The following TADA3 variants were observed in gnomAD, a reference collection of about 807,000 sequenced individuals.
TADA3 encodes the protein transcriptional adaptor 3, also known as transcriptional adapter 3.
TADA3 carries 25 observed loss-of-function variants against 43.2 expected under a neutral mutation model. The observed-to-expected ratio is 0.58, with a 90% CI of 0.42 to 0.81. The LOEUF (loss-of-function observed/expected upper bound fraction) is 0.81. TADA3 is among the 30% of genes least tolerant of loss of function. The pLI, the probability that TADA3 is intolerant of heterozygous loss-of-function variation, is 0.00. For missense variants in TADA3, 441 were observed against 567.8 expected, an observed-to-expected ratio of 0.78 and a Z score of 2.27; for synonymous variants, 235 against 225.5, an observed-to-expected ratio of 1.04 and a Z score of -0.38.
Position 9,785,325 on chromosome 3 carries a change from T to C in TADA3, c.911A>G (p.Lys304Arg), listed in dbSNP as rs199891591. The C allele has an allele frequency of 4.5e-5, 73 of 1,613,864 alleles. No individual in the cohort carries two copies. Among genetic ancestry groups the C allele is most frequent in the Non-Finnish European group, 2.5e-6 (3 of 1,179,804 alleles). Residue 304 changes from lysine to arginine, a missense_variant, in exon 7 of 9, where the codon AAG becomes AGG. By Grantham distance (26) the Lys-to-Arg change is conservative. Coordinates refer to ENST00000301964, the MANE Select transcript of TADA3 (RefSeq NM_006354.5). ...GASTSPRNQNKPFSVPHTKSL... is the reference protein window; with the variant it reads ...GASTSPRNQNRPFSVPHTKSL... ...ATAGGACACCACTCACCTGAAGGGC[T>C]TGTTCTGATTGCGAGGGGAGGTGCT...
At chr3:9,792,046 C>G (rs761521355) in intron 1 of TADA3, among the ~76,000 whole-genome samples, 170 bp downstream of exon 1, 1 of 152,228 alleles carries the variant, frequency 6.6e-6, no homozygotes, top group Non-Finnish European at 1.5e-5. Flanking sequence ...CCAGACAGAC[C>G]TGGGTTCAAG....
chr3:9,792,690 G>A, upstream of TADA3: 20 of 1,233,508 alleles, frequency 1.6e-5, no homozygotes, highest in Non-Finnish European at 1.9e-5. Context: ...GCCCCGCCGA[G>A]CGCCAGGAGC....
At chr3:9,782,011 A>T (rs2078480790) in intron 8 of TADA3, among the ~76,000 whole-genome samples, 1 of 151,594 alleles carries the variant, frequency 6.6e-6, no homozygotes, top group East Asian at 1.9e-4. Context: ...ATTTTTAAAA[A>T]TTTTTAGTAG....
chr3:9,792,769 C>A, upstream of TADA3: 4 of 1,247,092 alleles, frequency 3.2e-6, 1 homozygote, highest in South Asian at 1.3e-4. Context: ...TCGTCCGCTT[C>A]GGCTTGTCCT....
In TADA3 at chr3:9,787,229, T is replaced by A. The variant is rs1359450192; in HGVS notation, c.676A>T (p.Met226Leu). 6.2e-7 allele frequency: 1 copy of A among 1,614,074 alleles called. No individual in the cohort carries two copies. Among genetic ancestry groups the A allele is most frequent in the East Asian group, 2.2e-5 (1 of 44,894 alleles). ...AAVADKKKGL[M>L]GPLTELDTKD... Reference sequence around the variant, plus strand: ...GTGTCCAGTTCGGTCAGTGGCCCCATGAGGCCTTTCTTCTTGTCAGCCACA... The same window carrying A: ...GTGTCCAGTTCGGTCAGTGGCCCCAAGAGGCCTTTCTTCTTGTCAGCCACA... Residue 226 changes from methionine (M) to leucine (L), a missense_variant, in exon 5 of 9, where the codon ATG becomes TTG. By Grantham distance (15) the Met-to-Leu change is conservative. Coordinates refer to ENST00000301964, the MANE Select transcript of TADA3 (RefSeq NM_006354.5).
At chr3:9,781,770 A>G (rs1355312409) in intron 8 of TADA3, among the ~76,000 whole-genome samples, 1 of 151,392 alleles carries the variant, frequency 6.6e-6, no homozygotes, top group East Asian at 1.9e-4. Context: ...GCTCTGCAGC[A>G]GGGTAAGGGC....
chr3:9,791,227 T>C lies in TADA3; in HGVS notation c.207+33A>G, dbSNP rs767620354. On this transcript the variant is annotated intron_variant, in intron 2 of 8. Transcript: ENST00000301964. ...CCATCCCATAACTTGTTGCAGTCCA[T>C]CTCTGGTGCTGGCCCCTCTCTGGGG... 3.8e-6 allele frequency: 6 copies of C among 1,590,704 alleles called. No homozygotes were observed. In the African/African-American group the frequency reaches 5.4e-5, roughly 14 times the overall value.
At chr3:9,786,406 G>T (rs556205266) in intron 6 of TADA3, among the ~76,000 whole-genome samples, 1 of 152,174 alleles carries the variant, frequency 6.6e-6, no homozygotes, top group Non-Finnish European at 1.5e-5. Context: ...TGTTCCATGA[G>T]ATAAACTCTT....
upstream of TADA3, chr3:9,792,719 G>A (rs994592052): frequency 3.2e-6 from 4 of 1,234,472 alleles, no homozygotes; most frequent in African/African-American, 3.1e-5. Context: ...GGAGGGGCGA[G>A]AGAAAGGATG....
At chr3:9,792,733 G>A (rs1009670782), upstream of TADA3, 8 of 1,240,142 alleles carry the variant, frequency 6.5e-6, no homozygotes, top group Non-Finnish European at 7.1e-6. Context: ...AAGGATGGGG[G>A]TACAGAACCG....
At chr3:9,787,899 G>A (rs1049980927) in intron 4 of TADA3, 2 of 384,938 alleles carry the variant, frequency 5.2e-6, no homozygotes, top group African/African-American at 4.2e-5. Flanking sequence ...AAGGAGACAA[G>A]AGGGAGAGAA....
chr3:9,790,645 T>A (rs977912432), intron 2 of TADA3, among the ~76,000 whole-genome samples: 3 of 152,104 alleles, frequency 2.0e-5, no homozygotes, highest in Non-Finnish European at 2.9e-5. Context: ...GTCATCAGAG[T>A]AGCAAATAAA....
chr3:9,784,778 C>T (rs570164342), intron 7 of TADA3, among the ~76,000 whole-genome samples: 7 of 151,698 alleles, frequency 4.6e-5, no homozygotes, highest in Admixed American at 4.6e-4. Context: ...GCAGGAGAAT[C>T]GCTTGAACCT....
intron 8 of TADA3, chr3:9,781,651 TTCA>T (rs1559715453): frequency 2.3e-6 from 1 of 436,234 alleles, no homozygotes. Flanking sequence ...ATTTATACAT[TTCA>T]TCGATGGTGG....
intron 6 of TADA3, among the ~76,000 whole-genome samples, chr3:9,786,010 C>T (rs1169688908): frequency 6.6e-6 from 1 of 151,832 alleles, no homozygotes; most frequent in East Asian, 1.9e-4. Context: ...ACAATTTCGG[C>T]TTACTGCAAG....
chr3:9,792,527 G>T (rs748478414), upstream of TADA3: 47 of 1,223,208 alleles, frequency 3.8e-5, no homozygotes, highest in Non-Finnish European at 4.7e-5. Context: ...CAGCGAGGGC[G>T]AGCCTACTGG....
upstream of TADA3, chr3:9,792,544 C>G: frequency 1.6e-6 from 2 of 1,225,028 alleles, no homozygotes; most frequent in Non-Finnish European, 1.0e-6. Context: ...CTGGAGTTTG[C>G]CGGGGGTGGG....
chr3:9,787,810 T>C, intron 4 of TADA3: 1 of 918,060 alleles, frequency 1.1e-6, no homozygotes, highest in South Asian at 1.4e-5. Flanking sequence ...ACTGACTAAC[T>C]TTCTGCTGGG....
In TADA3 at chr3:9,789,712, C is replaced by A. The variant is rs1180492093; in HGVS notation, c.458+1G>T. 1.2e-6 allele frequency: 2 copies of A among 1,611,960 alleles called. No homozygotes were observed. ...CCCTTCTATGTTCTCTAGCCCAGAA[C>A]CTGTTGGGGGCATCATTTTTGGGGA... On this transcript the variant is annotated splice_donor_variant, in intron 3 of 8. Coordinates refer to ENST00000301964, the MANE Select transcript of TADA3 (RefSeq NM_006354.5). LOFTEE classifies it high-confidence loss of function.
Sources: allele counts gnomAD v4.1 joint callset (sites outside exome capture counted in the v4.1 genomes callset), GRCh38; gene constraint gnomAD v4.1.1; transcripts MANE v1.5; gene names NCBI Gene and HGNC (gene_info 2026-07-23, HGNC 2026-07-21).